The following GPC5 variants were observed in gnomAD, a reference collection of about 807,000 sequenced individuals.
GPC5 encodes glypican-5.
In GPC5, 47 loss-of-function variants were observed where a neutral mutation model predicts 53.9. The ratio of observed to expected loss-of-function variants is 0.87; its 90% confidence interval spans 0.69 to 1.11. The LOEUF is 1.11. Among genes scored for constraint, GPC5 ranks in the 50% most tolerant of loss-of-function variants. The probability of loss-of-function intolerance (pLI) is 0.00; values close to 1 mark genes in which losing one functional copy is unlikely to be tolerated. For synonymous variants in GPC5, 286 were observed against 263.3 expected (o/e 1.09, Z -0.84); for missense variants, 748 against 713.1 (o/e 1.05, Z -0.56).
chr13:92,445,908 G>C (rs1462308913), intron 7 of GPC5, among the ~76,000 whole-genome samples: 1 of 151,836 alleles, frequency 6.6e-6, no homozygotes, highest in Non-Finnish European at 1.5e-5. Flanking sequence ...GGGATTATAG[G>C]CATGAGCCAC....
intron 7 of GPC5, among the ~76,000 whole-genome samples, chr13:92,305,975 T>C (rs1322577170): frequency 6.6e-6 from 1 of 152,170 alleles, no homozygotes; most frequent in Non-Finnish European, 1.5e-5. Flanking sequence ...AGGAGGGTAC[T>C]GTCAGTTATT....
chr13:91,432,272 T>C (rs1879550621), intron 1 of GPC5, among the ~76,000 whole-genome samples: 8 of 151,366 alleles, frequency 5.3e-5, no homozygotes, highest in Admixed American at 5.3e-4. Flanking sequence ...TTTTGTCTTC[T>C]AAGCTGGTTA....
chr13:91,416,566 G>A (rs1041699548), intron 1 of GPC5, among the ~76,000 whole-genome samples: 5 of 151,876 alleles, frequency 3.3e-5, no homozygotes, highest in East Asian at 1.9e-4. Context: ...CCATCAACTC[G>A]TCCTTTACAT....
chr13:91,729,203 CA>C (rs1472080639), intron 4 of GPC5, among the ~76,000 whole-genome samples: 1 of 152,092 alleles, frequency 6.6e-6, no homozygotes, highest in Non-Finnish European at 1.5e-5. Context: ...TCTGTTGATT[CA>C]AAATAATACA....
intron 7 of GPC5, among the ~76,000 whole-genome samples, chr13:92,522,764 T>C (rs916483533): frequency 2.0e-5 from 3 of 152,078 alleles, no homozygotes; most frequent in Non-Finnish European, 4.4e-5. Context: ...ACTTAAAGAA[T>C]AATAAAAAAT....
In GPC5 at chr13:92,048,504, G is replaced by C. The variant is rs56138630; in HGVS notation, c.1402-96326G>C. Among the ~76,000 whole-genome samples, 1,202 of 152,214 alleles carry C rather than the reference G, an allele frequency of 7.9e-3. 4 individuals carry two copies. Among genetic ancestry groups the C allele is most frequent in the Non-Finnish European group, 0.014 (954 of 68,014 alleles). ...AGGAGGGTGAAGAGGCTTCTTCTGT[G>C]CTAGGATTGTCTCCAGGAACATCTC... is the stretch of plus-strand genomic sequence containing the variant. On this transcript the variant is annotated intron_variant, in intron 6 of 7. Transcript: ENST00000377067.
intron 7 of GPC5, among the ~76,000 whole-genome samples, chr13:92,186,962 AT>A (rs1406267010): frequency 2.0e-5 from 3 of 152,108 alleles, no homozygotes; most frequent in Non-Finnish European, 4.4e-5. Flanking sequence ...AAATACAAAA[AT>A]TAGCCGGGCG....
At chr13:91,739,907 G>A (rs2036894013) in intron 4 of GPC5, among the ~76,000 whole-genome samples, 1 of 151,374 alleles carries the variant, frequency 6.6e-6, no homozygotes, top group Non-Finnish European at 1.5e-5. Context: ...TGTGGAAAGG[G>A]ATTAGACTGC....
At chr13:91,960,168 A>T (rs1473744828) in intron 6 of GPC5, among the ~76,000 whole-genome samples, 1 of 23,218 alleles carries the variant, frequency 4.3e-5, no homozygotes, top group African/African-American at 2.0e-4. Flanking sequence ...TCTTATTCTA[A>T]AAAAAAAAAA....
intron 5 of GPC5, among the ~76,000 whole-genome samples, chr13:91,784,611 C>G (rs2037849068): frequency 6.6e-6 from 1 of 151,748 alleles, no homozygotes; most frequent in Admixed American, 6.6e-5. Flanking sequence ...GTAATCCCAG[C>G]TACTTGGGAG....
intron 7 of GPC5, among the ~76,000 whole-genome samples, chr13:92,435,324 A>G (rs1167241912): frequency 6.6e-6 from 1 of 152,224 alleles, no homozygotes; most frequent in Non-Finnish European, 1.5e-5. Flanking sequence ...AAGGGGTTGA[A>G]TGTTTTAAAT....
chr13:92,381,909 G>GATTATATATATC (rs2043748826), intron 7 of GPC5, among the ~76,000 whole-genome samples: 5 of 122,120 alleles, frequency 4.1e-5, no homozygotes, highest in African/African-American at 1.6e-4. Flanking sequence ...TCATATATAT[G>GATTATATATATC]ATATATATAA....
intron 7 of GPC5, among the ~76,000 whole-genome samples, chr13:92,840,882 T>C (rs1878409000): frequency 6.6e-6 from 1 of 152,094 alleles, no homozygotes; most frequent in Non-Finnish European, 1.5e-5. Context: ...TGAAATTGTT[T>C]CCATCGTTTC....
intron 2 of GPC5, among the ~76,000 whole-genome samples, chr13:91,502,780 C>T (rs1283964229): frequency 2.0e-5 from 3 of 152,142 alleles, no homozygotes; most frequent in African/African-American, 4.8e-5. Context: ...CTCATTTAGC[C>T]TTACCTTCAT....
intron 7 of GPC5, among the ~76,000 whole-genome samples, chr13:92,776,914 C>T (rs1473893728): frequency 2.0e-5 from 3 of 149,718 alleles, no homozygotes; most frequent in Admixed American, 1.4e-4. Flanking sequence ...GTCTCAGCTA[C>T]TCGGGAGGCT....
chr13:91,498,801 C>G (rs183090838), intron 2 of GPC5, among the ~76,000 whole-genome samples: 6 of 151,888 alleles, frequency 4.0e-5, no homozygotes, highest in African/African-American at 1.4e-4. Flanking sequence ...GAAACCCCGT[C>G]TCTACAAAAA....
chr13:91,885,547 A>G (rs2039313176), intron 5 of GPC5, among the ~76,000 whole-genome samples: 1 of 152,126 alleles, frequency 6.6e-6, no homozygotes, highest in Non-Finnish European at 1.5e-5. Context: ...TACACAAACC[A>G]TTCTCGAGGT....
intron 7 of GPC5, among the ~76,000 whole-genome samples, chr13:92,700,454 G>A (rs139744835): frequency 6.6e-6 from 1 of 152,016 alleles, no homozygotes; most frequent in Non-Finnish European, 1.5e-5. Context: ...AAGGTTAATA[G>A]TGTTAGGTAT....
intron 7 of GPC5, among the ~76,000 whole-genome samples, chr13:92,224,816 T>C (rs1187492603): frequency 6.6e-6 from 1 of 152,216 alleles, no homozygotes; most frequent in Non-Finnish European, 1.5e-5. Context: ...AGAAGAGGAC[T>C]CTTAGAAGCT....
Sources: gnomAD v4.1 joint callset for allele counts (sites outside exome capture counted in the v4.1 genomes callset) on GRCh38, gnomAD v4.1.1 for gene constraint, MANE v1.5 for transcripts, NCBI Gene and HGNC (gene_info 2026-07-23, HGNC 2026-07-21) for gene names.